PGBD1: variants seen among roughly 807,000 people sequenced by gnomAD.
PGBD1 encodes piggyBac transposable element derived 1.
In PGBD1, 25 loss-of-function variants were observed where a neutral mutation model predicts 34.7. The ratio of observed to expected loss-of-function variants is 0.72; its 90% CI spans 0.52 to 1.00. The LOEUF is 1.00. Ranked by LOEUF, PGBD1 falls within the 50% of genes least tolerant of loss-of-function variation. The pLI is 0.00. For missense variants in PGBD1, 830 were observed against 959.4 expected, an observed-to-expected ratio of 0.87 and a Z score of 1.78; for synonymous variants, 292 against 335.7, an observed-to-expected ratio of 0.87 and a Z score of 1.42.
chr6:28,284,435 GATGCAT>G (rs892186157), intron 2 of PGBD1, among the ~76,000 whole-genome samples: 2 of 151,368 alleles, frequency 1.3e-5, no homozygotes, highest in African/African-American at 2.4e-5. Context: ...CCCCCCCCAA[GATGCAT>G]ATGTATATGT....
At position 28,296,958 on chromosome 6, in the gene PGBD1, C is replaced by G. The variant is rs1046599838; in HGVS notation, c.772+13C>G. On this transcript the variant is annotated intron_variant, in intron 5 of 6. Transcript: ENST00000682144. Reference sequence around the variant, plus strand: ...CTCAGTCCGATGAGTAAGGCCAGGCCTCTGGCTGGACCCCTGTCTGGACTC... The same window carrying G: ...CTCAGTCCGATGAGTAAGGCCAGGCGTCTGGCTGGACCCCTGTCTGGACTC... The G allele has an allele frequency of 1.9e-6, 3 of 1,613,548 alleles. No homozygotes were observed. The African/African-American group carries it at 4.0e-5, about 22-fold the overall frequency.
intron 3 of PGBD1, 116 bp downstream of exon 3, chr6:28,285,823 A>G (rs1356204064): frequency 1.4e-5 from 15 of 1,092,268 alleles, no homozygotes; most frequent in Non-Finnish European, 1.9e-5. Context: ...GCTAACTTAC[A>G]TATCTCACAG....
At chr6:28,289,370 G>A (rs186225630) in intron 4 of PGBD1, among the ~76,000 whole-genome samples, 97 of 152,318 alleles carry the variant, frequency 6.4e-4, no homozygotes, top group African/African-American at 2.3e-3. Flanking sequence ...GAAGGAGAAA[G>A]TCTTTCCCAA....
chr6:28,285,315 C>G (rs1053291885), intron 2 of PGBD1, among the ~76,000 whole-genome samples: 31 of 152,166 alleles, frequency 2.0e-4, no homozygotes, highest in African/African-American at 7.2e-4. Flanking sequence ...TTTGTAATTA[C>G]TAAGTAATCT....
At chr6:28,292,709 A>G (rs777156221) in intron 4 of PGBD1, among the ~76,000 whole-genome samples, 11 of 152,182 alleles carry the variant, frequency 7.2e-5, no homozygotes, top group Non-Finnish European at 1.5e-4. Flanking sequence ...CCTTAATCTA[A>G]TGACTCATAT....
intron 5 of PGBD1, 39 bp from the exon 6 acceptor site, chr6:28,297,856 A>AAAAAAAAT: frequency 1.8e-6 from 1 of 540,596 alleles, no homozygotes; most frequent in Non-Finnish European, 3.3e-6. Context: ...CAAAATTCAC[A>AAAAAAAAT]TAACAGATGA....
At position 28,301,511 on chromosome 6, in the gene PGBD1, T is replaced by C. The variant is rs1255553909; in HGVS notation, c.1657T>C (p.Phe553Leu). 2 of 1,614,042 alleles carry C rather than the reference T, an allele frequency of 1.2e-6. No homozygotes were observed. Among genetic ancestry groups the C allele is most frequent in the African/African-American group, 2.7e-5 (2 of 74,946 alleles). Residue 553 changes from phenylalanine (F) to leucine (L), a missense_variant, in exon 7 of 7, where the codon TTT becomes CTT. Transcript: ENST00000682144. ...YCFDKSMCEC[F>L]DSDQFLNGKP... Reference sequence around the variant, plus strand: ...CTTTGATAAGTCAATGTGTGAATGCTTTGATAGTGACCAATTCCTGAATGG... The same window carrying C: ...CTTTGATAAGTCAATGTGTGAATGCCTTGATAGTGACCAATTCCTGAATGG...
intron 4 of PGBD1, among the ~76,000 whole-genome samples, chr6:28,288,252 C>T (rs145187164): frequency 2.0e-5 from 3 of 152,322 alleles, no homozygotes; most frequent in East Asian, 3.9e-4. Flanking sequence ...CCTAACCCCA[C>T]GTACCTGTGA....
rs567596192 is a variant in PGBD1 at position 28,296,742 on chromosome 6, A to G, written c.643-74A>G. On this transcript the variant is annotated intron_variant, in intron 4 of 6. Transcript: ENST00000682144. ...TGGGACTACCGGTCTACAGCGTGGT[A>G]TTCAACACCCTTCACAACTGGATTC... 2.1e-4 allele frequency: 331 copies of G among 1,559,326 alleles called. 6 individuals are homozygous for G. In the South Asian group the frequency reaches 3.5e-3, roughly 17 times the overall value.
At chr6:28,283,492 A>T (rs1450594352) in intron 1 of PGBD1, among the ~76,000 whole-genome samples, 2 of 152,200 alleles carry the variant, frequency 1.3e-5, no homozygotes, top group Admixed American at 6.5e-5. Context: ...TGGGTAAATT[A>T]TCCCCTCTCC....
Position 28,300,911 on chromosome 6 carries a change from C to G in PGBD1, c.1057C>G (p.Leu353Val), listed in dbSNP as rs1307312029. The change falls in exon 7 of 7, where the codon CTG (leucine) becomes GTG (valine). Residue 353 changes from leucine (L) to valine (V), a missense_variant. Physicochemically the swap from Leu to Val is conservative, Grantham distance 32. Coordinates refer to ENST00000682144, the MANE Select transcript of PGBD1 (RefSeq NM_032507.4). The surrounding 1 kb of genome is among the most constrained non-coding windows in gnomAD (Gnocchi z 4.0). ...RKKDKARVSE[L>V]LQGLSFSGDS... ...AAAAGACAAAGCTCGAGTGAGTGAA[C>G]TGCTCCAAGGCCTCTCATTCTCTGG... 1 of 1,614,100 alleles carries G rather than the reference C, an allele frequency of 6.2e-7. No individual in the cohort carries two copies. Among genetic ancestry groups the G allele is most frequent in the East Asian group, 2.2e-5 (1 of 44,868 alleles).
At position 28,290,428 on chromosome 6, in the gene PGBD1, A is replaced by G. The variant is rs76742618; in HGVS notation, c.642+3260A>G. On this transcript the variant is annotated intron_variant, in intron 4 of 6. Coordinates refer to ENST00000682144, the MANE Select transcript of PGBD1 (RefSeq NM_032507.4). ...ACAATTATAAATACCTATGCATGCA[A>G]CACCAGAGCTCCCAGGTATATAAGG... Among the ~76,000 whole-genome samples the G allele has an allele frequency of 4.4e-3, 668 of 152,296 alleles. 7 individuals carry two copies. The highest frequency in any genetic ancestry group is 0.015 in the African/African-American group (613 of 41,566).
intron 4 of PGBD1, 70 bp downstream of exon 4, chr6:28,287,238 C>T (rs775069089): frequency 2.8e-5 from 37 of 1,326,384 alleles, no homozygotes; most frequent in Non-Finnish European, 4.0e-5. Context: ...GTTCCTTGCC[C>T]TTCTCTTGGC....
In PGBD1 at chr6:28,284,377, G is replaced by A. The variant is rs1164487957; in HGVS notation, c.396+168G>A. Among the ~76,000 whole-genome samples, 5 of 152,066 alleles carry A rather than the reference G, an allele frequency of 3.3e-5. No homozygotes were observed. In the East Asian group the frequency reaches 7.7e-4, roughly 24 times the overall value. On this transcript the variant is annotated intron_variant, in intron 2 of 6. Transcript: ENST00000682144. ...ATTTGCCAGTTGTTAACATTTGTTT[G>A]ATGAAGTCCCATTGTTGTGTACACA...
At position 28,301,680 on chromosome 6, in the gene PGBD1, A is replaced by G; in HGVS notation, c.1826A>G (p.Asn609Ser). ...DLGLGGNLVM[N>S]FADVLLERGQ... ...GGGTTAGGTGGAAATCTAGTGATGA[A>G]CTTCGCTGATGTTCTTTTAGAGAGA... Residue 609 changes from asparagine (N) to serine (S), a missense_variant, in exon 7 of 7, where the codon AAC becomes AGC. Transcript: ENST00000682144. 1 of 1,614,122 alleles carries G rather than the reference A, an allele frequency of 6.2e-7. No homozygotes were observed. Among genetic ancestry groups the G allele is most frequent in the African/African-American group, 1.3e-5 (1 of 75,040 alleles).
chr6:28,301,968 A>G lies in PGBD1; in HGVS notation c.2114A>G (p.Glu705Gly), dbSNP rs375608685. 100 of 1,614,082 alleles carry G rather than the reference A, an allele frequency of 6.2e-5. No homozygotes were observed. The Middle Eastern group carries it at 1.6e-3, about 27-fold the overall frequency. Residue 705 changes from glutamate (E) to glycine (G), a missense_variant, in exon 7 of 7, where the codon GAA becomes GGA. Transcript: ENST00000682144. The stretch of plus-strand genomic sequence containing the variant: ...CTGTGCTCCAATGCTGTGGGCATAG[A>G]ACCAGTCAATGAGGTAAGCTGTTGT... Reference protein sequence around the residue: ...ISLCSNAVGIEPVNEVSCCDA... With the variant: ...ISLCSNAVGIGPVNEVSCCDA...
chr6:28,286,053 T>A (rs896422409), intron 3 of PGBD1, among the ~76,000 whole-genome samples: 3 of 152,220 alleles, frequency 2.0e-5, no homozygotes, highest in Admixed American at 2.0e-4. Flanking sequence ...CCTGCTTTAT[T>A]TTACACTGTG....
chr6:28,297,833 TTTTTTTTTTTTTC>T, intron 5 of PGBD1, 49 bp from the exon 6 acceptor site: 2 of 311,576 alleles, frequency 6.4e-6, no homozygotes, highest in Non-Finnish European at 1.2e-5. Flanking sequence ...TTTTTTTTTT[TTTTTTTTTTTTTC>T]AAAATTCACA....
At chr6:28,296,724 A>T in intron 4 of PGBD1, 92 bp from the exon 5 acceptor site, 2 of 1,416,114 alleles carry the variant, frequency 1.4e-6, no homozygotes, top group Non-Finnish European at 1.9e-6. Flanking sequence ...GGCTGGGACT[A>T]CCGGTCTACA....
Sources: gnomAD v4.1 joint callset for allele counts (sites outside exome capture counted in the v4.1 genomes callset) on GRCh38, gnomAD v4.1.1 for gene constraint, Gnocchi (gnomAD v3.1) non-coding constraint, MANE v1.5 for transcripts, NCBI Gene and HGNC (gene_info 2026-07-23, HGNC 2026-07-21) for gene names.